UTRN: variants seen among roughly 807,000 people sequenced by gnomAD.
The protein encoded by UTRN is utrophin.
A neutral mutation model predicts 463.9 loss-of-function variants in UTRN; 283 were observed. The ratio of observed to expected loss-of-function variants is 0.61; its 90% CI spans 0.55 to 0.67. The LOEUF (loss-of-function observed/expected upper bound fraction) is 0.67, where lower values mean the gene tolerates loss of function less well. UTRN is among the 30% of genes least tolerant of loss of function. UTRN has a pLI of 0.00. For synonymous variants in UTRN, 1,442 were observed against 1,431.5 expected (o/e 1.01, Z -0.17); for missense variants, 3,922 against 4,084.3 (o/e 0.96, Z 1.08).
At chr6:144,392,998 GCCATCCATCCAT>G (rs58099859) in intron 2 of UTRN, among the ~76,000 whole-genome samples, 1,938 of 150,186 alleles carry the variant, frequency 0.013, 51 homozygotes, top group African/African-American at 0.042. Context: ...GTGTCCAGCT[GCCATCCATCCAT>G]CCATCCATCC....
intron 50 of UTRN, among the ~76,000 whole-genome samples, chr6:144,575,868 A>G (rs763105822): frequency 6.6e-6 from 1 of 152,120 alleles, no homozygotes; most frequent in Non-Finnish European, 1.5e-5. Context: ...CAGAAAATTT[A>G]TCATCCTCCA....
chr6:144,344,676 T>C (rs1254931833), intron 2 of UTRN, among the ~76,000 whole-genome samples: 1 of 152,250 alleles, frequency 6.6e-6, no homozygotes, highest in African/African-American at 2.4e-5. Context: ...CTTTGTGGTG[T>C]TGAGTATTGG....
In UTRN at chr6:144,804,048, T is replaced by C. The variant is rs576321729; in HGVS notation, c.9357+901T>C. Among the ~76,000 whole-genome samples, 5 of 152,314 alleles carry C rather than the reference T, an allele frequency of 3.3e-5. No homozygotes were observed. In the East Asian group the frequency reaches 9.6e-4, roughly 29 times the overall value. On this transcript the variant is annotated intron_variant, in intron 65 of 74. Coordinates refer to ENST00000367545, the MANE Select transcript of UTRN (RefSeq NM_007124.3). ...CTATTTTTTCCTGAAGTTATCCTCA[T>C]GTTCTATTAATAGCTATTCTTTTAC...
At chr6:144,774,195 T>C in intron 59 of UTRN, 95 bp from the exon 60 acceptor site, 1 of 1,208,012 alleles carries the variant, frequency 8.3e-7, no homozygotes, top group Non-Finnish European at 1.1e-6. Flanking sequence ...AAACATAATA[T>C]TTTTTCATCA....
intron 50 of UTRN, among the ~76,000 whole-genome samples, chr6:144,567,288 G>A (rs988955725): frequency 5.3e-5 from 8 of 152,174 alleles, no homozygotes; most frequent in Admixed American, 1.3e-4. Flanking sequence ...GTGGAAGAAG[G>A]GTTGGGGAGT....
In UTRN at chr6:144,841,089, A is replaced by G. The variant is rs1111808; in HGVS notation, c.10270+257A>G. Among the ~76,000 whole-genome samples, 21,376 of 152,224 alleles carry G rather than the reference A, an allele frequency of 0.14. 1,772 individuals carry two copies. Among genetic ancestry groups the G allele is most frequent in the African/African-American group, 0.22 (8,984 of 41,508 alleles). On this transcript the variant is annotated intron_variant, in intron 73 of 74. Coordinates refer to ENST00000367545, the MANE Select transcript of UTRN (RefSeq NM_007124.3). ...TATGCCTGATGGGTGATAAAATGAA[A>G]GCAAATAAAATAATAAGTCTGGTTT... is the stretch of plus-strand genomic sequence containing the variant.
At chr6:144,530,860 T>G (rs1015211417) in intron 41 of UTRN, among the ~76,000 whole-genome samples, 192 bp from the exon 42 acceptor site, 1 of 152,132 alleles carries the variant, frequency 6.6e-6, no homozygotes, top group African/African-American at 2.4e-5. Context: ...CTTGTTATGA[T>G]GCATATATCT....
At chr6:144,788,651 G>A (rs776276489) in intron 61 of UTRN, among the ~76,000 whole-genome samples, 8 of 148,952 alleles carry the variant, frequency 5.4e-5, no homozygotes, top group Non-Finnish European at 1.0e-4. Flanking sequence ...TGCAATCTCC[G>A]CCTCGCAAGT....
At chr6:144,414,779 A>G (rs1007950816) in intron 3 of UTRN, among the ~76,000 whole-genome samples, 5 of 149,400 alleles carry the variant, frequency 3.3e-5, no homozygotes, top group Non-Finnish European at 5.9e-5. Flanking sequence ...GCAGTGGCGC[A>G]GTCTTGGTTC....
rs563605754 is a variant in UTRN, at chr6:144,423,590, C to A, written c.276C>A (p.Asn92Lys). ...CCACAAGGGTACATGCCTTAAATAA[C>A]GTCAACAGAGTGCTGCAGGTTTTAC... ...RGSTRVHALN[N>K]VNRVLQVLHQ... Residue 92 changes from asparagine (N) to lysine (K), a missense_variant, in exon 5 of 75, where the codon AAC (asparagine) becomes AAA (lysine). Coordinates refer to ENST00000367545, the MANE Select transcript of UTRN (RefSeq NM_007124.3). 17 of 1,614,076 alleles carry A rather than the reference C, an allele frequency of 1.1e-5. No homozygotes were observed. The highest frequency in any genetic ancestry group is 1.4e-5 in the Non-Finnish European group (16 of 1,180,056).
At chr6:144,493,477 G>T (rs775336619) in intron 33 of UTRN, 21 bp downstream of exon 33, 9 of 1,603,144 alleles carry the variant, frequency 5.6e-6, no homozygotes, top group Non-Finnish European at 3.4e-6. Context: ...CAGCCCCACA[G>T]CTCATCTCTC....
intron 39 of UTRN, among the ~76,000 whole-genome samples, chr6:144,517,995 A>G (rs1330383691): frequency 1.3e-5 from 2 of 152,216 alleles, no homozygotes; most frequent in Non-Finnish European, 2.9e-5. Context: ...TTCTCACATC[A>G]CACTGAGTAG....
intron 34 of UTRN, among the ~76,000 whole-genome samples, chr6:144,508,962 C>T (rs923382327): frequency 4.6e-5 from 7 of 152,084 alleles, no homozygotes; most frequent in Non-Finnish European, 8.8e-5. Context: ...GAATGTTTAG[C>T]CATGTTTTAT....
At chr6:144,631,511 A>G (rs907721731) in intron 51 of UTRN, among the ~76,000 whole-genome samples, 20 of 152,192 alleles carry the variant, frequency 1.3e-4, no homozygotes, top group Admixed American at 1.3e-3. Flanking sequence ...GTGGGGATAC[A>G]TAATTAAGGA....
intron 40 of UTRN, 122 bp from the exon 41 acceptor site, chr6:144,522,894 A>T: frequency 1.2e-6 from 1 of 865,444 alleles, no homozygotes. Context: ...TTCATGATTA[A>T]CAATGATTAT....
chr6:144,569,677 A>ATTGTT, intron 50 of UTRN, among the ~76,000 whole-genome samples: 1 of 152,198 alleles, frequency 6.6e-6, no homozygotes, highest in Non-Finnish European at 1.5e-5. Context: ...ACAGCTTTAA[A>ATTGTT]CAGGCAAGAA....
At position 144,771,909 on chromosome 6, in the gene UTRN, A is replaced by G; in HGVS notation, c.8498A>G (p.His2833Arg). 6.3e-7 allele frequency: 1 copy of G among 1,589,760 alleles called. No homozygotes were observed. The highest frequency in any genetic ancestry group is 8.5e-7 in the Non-Finnish European group (1 of 1,172,840). The change falls in exon 59 of 75, where the codon CAT (histidine) becomes CGT (arginine). Residue 2833 changes from histidine to arginine, a missense_variant and splice_region_variant. This residue lies in a region of UTRN where 1,309 missense variants were observed against 1,452.6 expected (regional missense o/e 0.90). Transcript: ENST00000367545. ...SHNKVPYYINHQTQTTCWDHP... is the reference protein window; with the variant it reads ...SHNKVPYYINRQTQTTCWDHP... ...AAAATTTTACCTTTTTTTTCCAGCC[A>G]TCAAACACAGACCACCTGTTGGGAC...
intron 1 of UTRN, among the ~76,000 whole-genome samples, chr6:144,291,473 T>A (rs947154737): frequency 6.6e-6 from 1 of 152,224 alleles, no homozygotes; most frequent in African/African-American, 2.4e-5. Flanking sequence ...CTCTTAATAC[T>A]CTGTGCTTCT....
chr6:144,809,808 A>C (rs1377851233), intron 65 of UTRN, among the ~76,000 whole-genome samples: 1 of 152,152 alleles, frequency 6.6e-6, no homozygotes, highest in Non-Finnish European at 1.5e-5. Context: ...AGATGAAGCT[A>C]AGGGGAAAAG....
Sources: gnomAD v4.1 joint callset for allele counts (sites outside exome capture counted in the v4.1 genomes callset) on GRCh38, gnomAD v4.1.1 for gene constraint, gnomAD v4.1.1 regional missense constraint, MANE v1.5 for transcripts, NCBI Gene and HGNC (gene_info 2026-07-23, HGNC 2026-07-21) for gene names.